The following MAMDC4 variants were observed in gnomAD, a reference collection of about 807,000 sequenced individuals.
The protein encoded by MAMDC4 is apical endosomal glycoprotein.
A neutral mutation model predicts 153.3 loss-of-function variants in MAMDC4; 168 were observed. That is an observed-to-expected ratio of 1.10 (90% CI 0.97 to 1.25). MAMDC4 has a LOEUF of 1.25. Ranked by LOEUF, MAMDC4 falls within the 50% of genes most tolerant of loss-of-function variation. The pLI is 0.00. For missense variants in MAMDC4, 1,701 were observed against 1,542.8 expected, an observed-to-expected ratio of 1.10 and a Z score of -1.72; for synonymous variants, 744 against 651.5, an observed-to-expected ratio of 1.14 and a Z score of -2.16.
In MAMDC4 at chr9:136,860,789, G is replaced by A. The variant is rs905860568; in HGVS notation, c.*186G>A. 1.5e-5 allele frequency: 9 copies of A among 611,898 alleles called. No individual in the cohort carries two copies. The Admixed American group carries it at 1.8e-4, about 12-fold the overall frequency. The allele number at this position is 611,898 out of a possible 1,614,324, so 37.9% of individuals were successfully genotyped here. A position where few individuals can be genotyped will look rare whatever the true frequency, so the allele number is the denominator to read the frequency against. On this transcript the variant is annotated 3_prime_UTR_variant, in exon 27 of 27. Transcript: ENST00000317446. ...TGTGAATAAACACCCTGGCCCATGA[G>A]GGCAGCCCAAGCTCCCAGGGTGAAG... is the stretch of plus-strand genomic sequence containing the variant.
intron 26 of MAMDC4, 27 bp from the exon 27 acceptor site, chr9:136,860,535 A>G (rs768425335): frequency 6.2e-7 from 1 of 1,605,052 alleles, no homozygotes; most frequent in Non-Finnish European, 8.5e-7. Context: ...AAAGAAAGAA[A>G]AAAAAAGCTC....
At position 136,858,551 on chromosome 9, in the gene MAMDC4, G is replaced by T. The variant is rs964327911; in HGVS notation, c.2821+5G>T. ...ACACCCTGGGCACAGAGGCAGGTAC[G>T]TGCCCACTGGAGCCAGGTGGGGAGG... On this transcript the variant is annotated splice_donor_5th_base_variant and intron_variant, in intron 22 of 26. Coordinates refer to ENST00000317446, the MANE Select transcript of MAMDC4 (RefSeq NM_206920.3). The T allele has an allele frequency of 6.4e-7, 1 of 1,566,890 alleles. No individual in the cohort carries two copies. The highest frequency in any genetic ancestry group is 8.6e-7 in the Non-Finnish European group (1 of 1,157,098).
rs755279211 is a variant in MAMDC4, at chr9:136,857,428, TGCGGCCGG to T, written c.2171_2178del (p.Arg724ProfsTer6). ...ACCATGGCGCTGGACGATGTGGCCG[TGCGGCCGG>T]GCCCCTGCTGGGCCCCTAATTACTG... On this transcript the variant is annotated frameshift_variant, in exon 18 of 27. Coordinates refer to ENST00000317446, the MANE Select transcript of MAMDC4 (RefSeq NM_206920.3). LOFTEE classifies it high-confidence loss of function. The T allele has an allele frequency of 5.0e-6, 8 of 1,608,248 alleles. No individual in the cohort carries two copies. The highest frequency in any genetic ancestry group is 6.8e-6 in the Non-Finnish European group (8 of 1,179,902).
At chr9:136,860,126 G>A (rs1849065459) in intron 26 of MAMDC4, 62 bp downstream of exon 26, 14 of 1,470,642 alleles carry the variant, frequency 9.5e-6, no homozygotes, top group Middle Eastern at 2.3e-4. Flanking sequence ...GCTGGAGGGC[G>A]GGCAGTGGCG....
rs377305036 is a variant in MAMDC4, at chr9:136,855,655, C to A, written c.1471+36C>A. On this transcript the variant is annotated intron_variant, in intron 12 of 26. Transcript: ENST00000317446. Reference sequence around the variant, plus strand: ...TCAACCTCCTGCAGACCTCCTGCTGCGGAGCCAAGGGGGTAGGCGCCGGGG... The same window carrying A: ...TCAACCTCCTGCAGACCTCCTGCTGAGGAGCCAAGGGGGTAGGCGCCGGGG... The A allele has an allele frequency of 1.3e-4, 196 of 1,564,968 alleles. 2 individuals are homozygous for A. In the African/African-American group the frequency reaches 2.3e-3, roughly 19 times the overall value.
chr9:136,857,392 G>T lies in MAMDC4; in HGVS notation c.2132G>T (p.Gly711Val). 1 of 1,608,092 alleles carries T rather than the reference G, an allele frequency of 6.2e-7. No individual in the cohort carries two copies. ...CTGCTGTTCGAGGGCCTCCGGGACGGATACCACGGCACCATGGCGCTGGAC... is the reference window on the plus strand; with the variant it reads ...CTGCTGTTCGAGGGCCTCCGGGACGTATACCACGGCACCATGGCGCTGGAC... ...YQLLFEGLRDGYHGTMALDDV... is the reference protein window; with the variant it reads ...YQLLFEGLRDVYHGTMALDDV... The change falls in exon 18 of 27, where the codon GGA becomes GTA. Residue 711 changes from glycine (G) to valine (V), a missense_variant. Transcript: ENST00000317446.
In MAMDC4 at chr9:136,855,851, G is replaced by A; in HGVS notation, c.1588+3G>A. 2 of 1,501,882 alleles carry A rather than the reference G, an allele frequency of 1.3e-6. No homozygotes were observed. Among genetic ancestry groups the A allele is most frequent in the South Asian group, 1.3e-5 (1 of 76,098 alleles). The allele number at this position is 1,501,882 out of a possible 1,614,324, so 93.0% of individuals were successfully genotyped here. On this transcript the variant is annotated splice_donor_region_variant and intron_variant, in intron 13 of 26. Transcript: ENST00000317446. ...GGGGTCCAGTGCAGCTGCTGCTGGT[G>A]AGGCCCAAGGCCCAAGGCTCAAGCC...
In MAMDC4 at chr9:136,853,918, A is replaced by G; in HGVS notation, c.585+11A>G. On this transcript the variant is annotated intron_variant, in intron 5 of 26. Coordinates refer to ENST00000317446, the MANE Select transcript of MAMDC4 (RefSeq NM_206920.3). The stretch of plus-strand genomic sequence containing the variant: ...CGGGGTGACTTCCGAGTGAGCTGGG[A>G]GGGTCTGGACGAGTGGGGGCCTTGA... 5 of 1,612,602 alleles carry G rather than the reference A, an allele frequency of 3.1e-6. No homozygotes were observed. Among genetic ancestry groups the G allele is most frequent in the Non-Finnish European group, 4.2e-6 (5 of 1,179,830 alleles).
Position 136,856,060 on chromosome 9 carries a change from C to T in MAMDC4, c.1631C>T (p.Ala544Val). ...SLQRAWGQLG[A>V]EARVLTPLLG... is the part of the protein sequence containing the mutation. ...CAGCGGGCCTGGGGGCAGCTAGGCGCTGAGGCCCGGGTCCTCACACCCCTC... is the reference window on the plus strand; with the variant it reads ...CAGCGGGCCTGGGGGCAGCTAGGCGTTGAGGCCCGGGTCCTCACACCCCTC... Residue 544 changes from alanine to valine, a missense_variant, in exon 14 of 27, where the codon GCT becomes GTT. Ala to Val is a moderately conservative substitution (Grantham distance 64). Transcript: ENST00000317446. The T allele has an allele frequency of 6.2e-7, 1 of 1,612,452 alleles. No individual in the cohort carries two copies. Among genetic ancestry groups the T allele is most frequent in the East Asian group, 2.2e-5 (1 of 44,872 alleles).
chr9:136,856,538 G>C (rs748956845), intron 14 of MAMDC4, 172 bp from the exon 15 acceptor site: 1 of 802,650 alleles, frequency 1.2e-6, no homozygotes, highest in Non-Finnish European at 2.3e-6. Flanking sequence ...TGACCCTGAG[G>C]GACTGTAGCC....
chr9:136,857,173 C>A lies in MAMDC4; in HGVS notation c.1981C>A (p.Arg661Ser), dbSNP rs143519494. Reference protein sequence around the residue: ...HLHGPQIGTLRLAMRREGEET... With the variant: ...HLHGPQIGTLSLAMRREGEET... ...TGGTCCCCTCCCTGCAGGGACTCTGCGCCTAGCCATGAGACGGGAAGGGGA... is the reference window on the plus strand; with the variant it reads ...TGGTCCCCTCCCTGCAGGGACTCTGAGCCTAGCCATGAGACGGGAAGGGGA... The change falls in exon 17 of 27, where the codon CGC becomes AGC. Residue 661 changes from arginine to serine, a missense_variant. Transcript: ENST00000317446. 516 of 1,612,350 alleles carry A rather than the reference C, an allele frequency of 3.2e-4. 2 individuals are homozygous for A. In the African/African-American group the frequency reaches 5.2e-3, roughly 16 times the overall value.
chr9:136,853,954 G>A (rs773550596), intron 5 of MAMDC4, 38 bp from the exon 6 acceptor site: 21 of 1,612,808 alleles, frequency 1.3e-5, no homozygotes, highest in Non-Finnish European at 1.8e-5. Flanking sequence ...GGAGGGGTCT[G>A]GGCCCTGACT....
In MAMDC4 at chr9:136,854,667, A is replaced by G; in HGVS notation, c.925A>G (p.Ser309Gly). Residue 309 changes from serine (S) to glycine (G), a missense_variant, in exon 8 of 27, where the codon AGT becomes GGT. Transcript: ENST00000317446. ...GCCACGCCGTGACCACAGCCGGAAC[A>G]GTGCACAGGGTGAGGCCCACAGAGG... ...SWPRRDHSRN[S>G]AQGSFLVSVA... The G allele has an allele frequency of 6.2e-7, 1 of 1,611,062 alleles. No homozygotes were observed. Among genetic ancestry groups the G allele is most frequent in the Non-Finnish European group, 8.5e-7 (1 of 1,179,280 alleles).
chr9:136,856,076 C>T lies in MAMDC4; in HGVS notation c.1647C>T (p.Leu549=). 6.2e-7 allele frequency: 1 copy of T among 1,612,490 alleles called. No homozygotes were observed. Among genetic ancestry groups the T allele is most frequent in the Non-Finnish European group, 8.5e-7 (1 of 1,179,894 alleles). ...WGQLGAEARV[L]TPLLGPSGPS... ...AGCTAGGCGCTGAGGCCCGGGTCCT[C>T]ACACCCCTCCTTGGCCCTTCTGGCC... Residue 549 remains leucine, a synonymous_variant, in exon 14 of 27, where the codon CTC becomes CTT. Transcript: ENST00000317446.
In MAMDC4 at chr9:136,855,765, G is replaced by T. The variant is rs1848995764; in HGVS notation, c.1505G>T (p.Gly502Val). ...TTDFESPEAGGWEDASVGRLQ... is the reference protein window; with the variant it reads ...TTDFESPEAGVWEDASVGRLQ... ...GACTTTGAGTCCCCCGAGGCTGGGGGCTGGGAGGACGCCAGCGTGGGGCGG... is the reference window on the plus strand; with the variant it reads ...GACTTTGAGTCCCCCGAGGCTGGGGTCTGGGAGGACGCCAGCGTGGGGCGG... The change falls in exon 13 of 27, where the codon GGC becomes GTC. Residue 502 changes from glycine (G) to valine (V), a missense_variant. Physicochemically the swap from Gly to Val is moderately radical, Grantham distance 109. Transcript: ENST00000317446. 5 of 1,568,724 alleles carry T rather than the reference G, an allele frequency of 3.2e-6. No individual in the cohort carries two copies. Among genetic ancestry groups the T allele is most frequent in the Non-Finnish European group, 4.3e-6 (5 of 1,157,956 alleles).
intron 6 of MAMDC4, 38 bp downstream of exon 6, chr9:136,854,114 GC>G (rs765338541): frequency 1.2e-6 from 2 of 1,609,344 alleles, no homozygotes; most frequent in East Asian, 2.2e-5. Context: ...CCCCGGGAGG[GC>G]CCCCACCTGC....
chr9:136,859,873 C>T lies in MAMDC4; in HGVS notation c.3194-13C>T. 6.2e-7 allele frequency: 1 copy of T among 1,611,084 alleles called. No individual in the cohort carries two copies. Among genetic ancestry groups the T allele is most frequent in the Non-Finnish European group, 8.5e-7 (1 of 1,179,866 alleles). ...GCTGCTTTGGAGGGCTCACATGTCC[C>T]TATGGCCCACAGGGAACACAGCCGC... On this transcript the variant is annotated splice_polypyrimidine_tract_variant and intron_variant, in intron 25 of 26. Coordinates refer to ENST00000317446, the MANE Select transcript of MAMDC4 (RefSeq NM_206920.3).
chr9:136,853,608 C>T lies in MAMDC4; in HGVS notation c.392C>T (p.Pro131Leu), dbSNP rs1339290472. Residue 131 changes from proline (P) to leucine (L), a missense_variant, in exon 4 of 27, where the codon CCA becomes CTA. Physicochemically the swap from Pro to Leu is moderately conservative, Grantham distance 98. Transcript: ENST00000317446. The stretch of plus-strand genomic sequence containing the variant: ...GCATCCACCGCAGCCCTGCGCTCGC[C>T]AACCCTGCGAGAGGCAGCCTCCTCT... ...KEASTAALRSPTLREAASSCK... is the reference protein window; with the variant it reads ...KEASTAALRSLTLREAASSCK... 6.2e-7 allele frequency: 1 copy of T among 1,612,324 alleles called. No homozygotes were observed. Among genetic ancestry groups the T allele is most frequent in the Admixed American group, 1.7e-5 (1 of 59,992 alleles).
chr9:136,859,847 G>A (rs1849059997), intron 25 of MAMDC4, 39 bp from the exon 26 acceptor site: 1 of 1,608,174 alleles, frequency 6.2e-7, no homozygotes, highest in East Asian at 2.2e-5. Context: ...CAGATGTGGG[G>A]GCTGCTTTGG....
Sources: gnomAD v4.1 joint callset for allele counts on GRCh38, gnomAD v4.1.1 for gene constraint, MANE v1.5 for transcripts, NCBI Gene and HGNC (gene_info 2026-07-23, HGNC 2026-07-21) for gene names.